Variants in SLCO1A2 observed in about 807,000 individuals in gnomAD.
SLCO1A2 encodes OATP-1.
Under a neutral mutation model 69.0 loss-of-function variants are expected in SLCO1A2, and 67 were observed. That is an observed-to-expected ratio of 0.97 (90% CI 0.80 to 1.19). The LOEUF (loss-of-function observed/expected upper bound fraction) is 1.19. SLCO1A2 is among the 50% of genes most tolerant of loss of function. The pLI is 0.00. For missense variants in SLCO1A2, 787 were observed against 793.7 expected (o/e 0.99, Z 0.10); for synonymous variants, 260 against 265.9 (o/e 0.98, Z 0.22).
intron 3 of SLCO1A2, among the ~76,000 whole-genome samples, chr12:21,314,927 G>C (rs543709535): frequency 2.2e-4 from 33 of 152,308 alleles, no homozygotes; most frequent in African/African-American, 7.0e-4. Context: ...TTACAGAGGG[G>C]AGAAGAAGAG....
rs573885962 is a variant in SLCO1A2 at position 21,331,680 on chromosome 12, C to T, written c.60+2908G>A. On this transcript the variant is annotated intron_variant, in intron 2 of 14. Transcript: ENST00000683939. ...GGAATGAGACCCTGGCTCAAGACTG[C>T]TGTTTACCATCTTACAGGCAGGAAA... Among the ~76,000 whole-genome samples, 25 of 151,970 alleles carry T rather than the reference C, an allele frequency of 1.6e-4. No individual in the cohort carries two copies. The South Asian group carries it at 5.0e-3, about 30-fold the overall frequency.
chr12:21,388,999 A>G (rs1378513263), intron 1 of SLCO1A2, among the ~76,000 whole-genome samples: 2 of 152,190 alleles, frequency 1.3e-5, no homozygotes, highest in Non-Finnish European at 2.9e-5. Flanking sequence ...TATTTTTAAG[A>G]CACAATGTAC....
At chr12:21,299,969 CAT>C (rs564469735) in intron 8 of SLCO1A2, among the ~76,000 whole-genome samples, 473 of 143,778 alleles carry the variant, frequency 3.3e-3, no homozygotes, top group Non-Finnish European at 5.3e-3. Flanking sequence ...TGTGTGTGTA[CAT>C]ATATATGTGT....
intron 12 of SLCO1A2, among the ~76,000 whole-genome samples, chr12:21,283,647 G>T (rs964927690): frequency 6.6e-6 from 1 of 152,066 alleles, no homozygotes; most frequent in African/African-American, 2.4e-5. Context: ...CAGAATGAGA[G>T]AAATTATTTG....
chr12:21,359,891 C>T (rs1398480308), intron 2 of SLCO1A2, among the ~76,000 whole-genome samples: 4 of 152,070 alleles, frequency 2.6e-5, no homozygotes, highest in Admixed American at 6.6e-5. Context: ...AGAAACAACC[C>T]GAAGTCCATT....
chr12:21,317,666 A>T (rs894882411), intron 3 of SLCO1A2, among the ~76,000 whole-genome samples: 2 of 152,230 alleles, frequency 1.3e-5, no homozygotes, highest in Admixed American at 1.3e-4. Flanking sequence ...ACAGGCTAAG[A>T]TCTAAAGGAG....
chr12:21,391,491 C>A (rs946273734), intron 1 of SLCO1A2, among the ~76,000 whole-genome samples: 1 of 152,054 alleles, frequency 6.6e-6, no homozygotes, highest in East Asian at 1.9e-4. Context: ...TCTTTCTGAG[C>A]ATAATGTATT....
At chr12:21,373,187 A>G (rs1591894572) in intron 2 of SLCO1A2, 7 of 641,574 alleles carry the variant, frequency 1.1e-5, no homozygotes, top group Non-Finnish European at 1.9e-5. Context: ...AAAGTGGACA[A>G]TATTAAGGGA....
chr12:21,335,393 T>C (rs1299073699), upstream of SLCO1A2, among the ~76,000 whole-genome samples: 1 of 151,992 alleles, frequency 6.6e-6, no homozygotes, highest in Non-Finnish European at 1.5e-5. Context: ...GTAATAGGTA[T>C]AGATATATGT....
At chr12:21,411,405 T>C (rs569740555) in intron 1 of SLCO1A2, among the ~76,000 whole-genome samples, 57 of 152,332 alleles carry the variant, frequency 3.7e-4, no homozygotes, top group Non-Finnish European at 6.9e-4. Flanking sequence ...ACTGTGATCA[T>C]ATACCAAAAT....
At chr12:21,276,324 G>A (rs925523405) in intron 12 of SLCO1A2, among the ~76,000 whole-genome samples, 1 of 150,862 alleles carries the variant, frequency 6.6e-6, no homozygotes, top group Non-Finnish European at 1.5e-5. Context: ...TAAGAGAACA[G>A]TACCACACAT....
At chr12:21,301,380 C>G in intron 6 of SLCO1A2, 111 bp from the exon 7 acceptor site, 1 of 511,086 alleles carries the variant, frequency 2.0e-6, no homozygotes. Flanking sequence ...ATACTTTTGA[C>G]TAGATACACA....
chr12:21,277,832 C>T (rs1378391382), intron 12 of SLCO1A2, among the ~76,000 whole-genome samples: 1 of 152,156 alleles, frequency 6.6e-6, no homozygotes, highest in Non-Finnish European at 1.5e-5. Flanking sequence ...GTAATGCTCG[C>T]TGCTCCCTCC....
At chr12:21,280,698 T>TAAAC (rs1944642324) in intron 12 of SLCO1A2, among the ~76,000 whole-genome samples, 2 of 120,262 alleles carry the variant, frequency 1.7e-5, no homozygotes, top group African/African-American at 7.2e-5. Context: ...AATAAATAAA[T>TAAAC]AAACAAAGAA....
chr12:21,305,281 T>C (rs1240270840), intron 5 of SLCO1A2, among the ~76,000 whole-genome samples: 1 of 152,194 alleles, frequency 6.6e-6, no homozygotes, highest in Non-Finnish European at 1.5e-5. Context: ...AAGGATTCTG[T>C]AAATCTCTTT....
chr12:21,291,772 T>C lies in SLCO1A2; in HGVS notation c.1610+392A>G, dbSNP rs921182424. Among the ~76,000 whole-genome samples, 6 of 152,132 alleles carry C rather than the reference T, an allele frequency of 3.9e-5. No individual in the cohort carries two copies. The South Asian group carries it at 8.3e-4, about 21-fold the overall frequency. The stretch of plus-strand genomic sequence containing the variant: ...CAAGTGACCTTAGCGAGATGGGGGC[T>C]TCTGACAGCTTTGCACTGCTGTCCT... On this transcript the variant is annotated intron_variant, in intron 12 of 14. Coordinates refer to ENST00000683939, the MANE Select transcript of SLCO1A2 (RefSeq NM_001386879.1).
chr12:21,385,150 T>C (rs973378196), intron 1 of SLCO1A2, among the ~76,000 whole-genome samples: 10 of 152,156 alleles, frequency 6.6e-5, no homozygotes, highest in Non-Finnish European at 5.9e-5. Flanking sequence ...ACCTCTGCAA[T>C]TGAAATGCTG....
At chr12:21,287,029 G>C (rs1205789709) in intron 12 of SLCO1A2, among the ~76,000 whole-genome samples, 1 of 129,406 alleles carries the variant, frequency 7.7e-6, no homozygotes, top group African/African-American at 2.9e-5. Context: ...TTAAACTAAA[G>C]AGCTTCTGCA....
intron 1 of SLCO1A2, among the ~76,000 whole-genome samples, chr12:21,377,441 C>T (rs919953410): frequency 1.3e-5 from 2 of 152,042 alleles, no homozygotes; most frequent in Non-Finnish European, 2.9e-5. Flanking sequence ...ACCCTTTTAA[C>T]AAATTTTTAA....
Sources: gnomAD v4.1 joint callset for allele counts (sites outside exome capture counted in the v4.1 genomes callset) on GRCh38, gnomAD v4.1.1 for gene constraint, MANE v1.5 for transcripts, NCBI Gene and HGNC (gene_info 2026-07-23, HGNC 2026-07-21) for gene names.